The following ALK variants were observed in gnomAD, a reference collection of about 807,000 sequenced individuals.
The protein encoded by ALK is ALK tyrosine kinase receptor.
ALK carries 74 observed loss-of-function variants against 163.1 expected under a neutral mutation model. That is an observed-to-expected ratio of 0.45 (90% confidence interval 0.38 to 0.55). ALK has a LOEUF of 0.55. ALK is among the 20% of genes least tolerant of loss of function. The pLI is 0.00. For missense variants in ALK, 2,063 were observed against 2,105.3 expected (o/e 0.98, Z 0.39); for synonymous variants, 960 against 843.2 (o/e 1.14, Z -2.40).
intron 3 of ALK, among the ~76,000 whole-genome samples, chr2:29,538,506 AG>A (rs1673322913): frequency 6.6e-6 from 1 of 152,158 alleles, no homozygotes; most frequent in Admixed American, 6.5e-5. Context: ...GCCCTCACTC[AG>A]GAAACAGATG....
chr2:29,330,710 G>T (rs1364150341), intron 5 of ALK, among the ~76,000 whole-genome samples: 2 of 151,960 alleles, frequency 1.3e-5, no homozygotes, highest in Non-Finnish European at 2.9e-5. Context: ...GGGTTGGGGG[G>T]TATGGGCAAT....
chr2:29,226,840 C>A, intron 18 of ALK, 82 bp downstream of exon 18: 1 of 1,572,308 alleles, frequency 6.4e-7, no homozygotes, highest in South Asian at 1.1e-5. Context: ...CCAGGGTGTT[C>A]TGGAACCCAG....
At chr2:29,656,328 A>C (rs764216914) in intron 3 of ALK, among the ~76,000 whole-genome samples, 1 of 152,136 alleles carries the variant, frequency 6.6e-6, no homozygotes, top group Admixed American at 6.6e-5. Context: ...CTAATATTCT[A>C]TGAATAATTT....
At chr2:29,905,545 G>C (rs969296232) in intron 1 of ALK, among the ~76,000 whole-genome samples, 6 of 150,902 alleles carry the variant, frequency 4.0e-5, no homozygotes, top group Admixed American at 6.6e-5. Flanking sequence ...AAGAGAAGGA[G>C]GGAAAGGGAA....
intron 5 of ALK, among the ~76,000 whole-genome samples, chr2:29,361,600 C>T (rs1472254627): frequency 1.3e-5 from 2 of 152,190 alleles, no homozygotes; most frequent in Non-Finnish European, 2.9e-5. Flanking sequence ...TTGGGTAAGT[C>T]ACTTAATCTC....
intron 3 of ALK, among the ~76,000 whole-genome samples, chr2:29,592,169 C>G (rs532361946): frequency 3.9e-5 from 6 of 152,172 alleles, no homozygotes; most frequent in Admixed American, 3.9e-4. Context: ...TCAGCGGGTC[C>G]CAGAGCACCT....
At chr2:29,492,896 G>T (rs972797782) in intron 4 of ALK, among the ~76,000 whole-genome samples, 1 of 152,166 alleles carries the variant, frequency 6.6e-6, no homozygotes, top group Non-Finnish European at 1.5e-5. Flanking sequence ...GATGGTATGG[G>T]AGTATTTAGA....
At chr2:29,456,793 T>C (rs1408058687) in intron 4 of ALK, among the ~76,000 whole-genome samples, 1 of 152,208 alleles carries the variant, frequency 6.6e-6, no homozygotes, top group African/African-American at 2.4e-5. Flanking sequence ...TTAAATTAGA[T>C]GTCACATGTG....
intron 9 of ALK, 78 bp downstream of exon 9, chr2:29,296,810 G>A (rs1007391967): frequency 6.9e-6 from 11 of 1,593,400 alleles, no homozygotes; most frequent in African/African-American, 1.3e-5. Flanking sequence ...AAAAGGCACG[G>A]GGAAAGGGAA....
intron 4 of ALK, among the ~76,000 whole-genome samples, chr2:29,441,210 C>T (rs1399974225): frequency 6.6e-6 from 1 of 152,244 alleles, no homozygotes; most frequent in Non-Finnish European, 1.5e-5. Flanking sequence ...GCTTGGGCCC[C>T]TGTGAAGAGC....
intron 5 of ALK, among the ~76,000 whole-genome samples, chr2:29,376,185 T>C (rs924529765): frequency 6.6e-6 from 1 of 151,786 alleles, no homozygotes; most frequent in Non-Finnish European, 1.5e-5. Context: ...AAAACCAATA[T>C]ATACTCTTAG....
At chr2:29,435,281 C>G (rs946757357) in intron 4 of ALK, among the ~76,000 whole-genome samples, 8 of 152,114 alleles carry the variant, frequency 5.3e-5, no homozygotes, top group African/African-American at 1.9e-4. Context: ...ACCATGAACC[C>G]TCCTACTGGA....
intron 5 of ALK, among the ~76,000 whole-genome samples, chr2:29,337,854 G>A (rs1667668814): frequency 6.6e-6 from 1 of 152,182 alleles, no homozygotes; most frequent in East Asian, 1.9e-4. Context: ...TTGTGTTGAT[G>A]AGCTGCCTAA....
intron 5 of ALK, among the ~76,000 whole-genome samples, chr2:29,365,851 A>G (rs1404741763): frequency 2.0e-5 from 3 of 152,196 alleles, no homozygotes; most frequent in Non-Finnish European, 4.4e-5. Context: ...ACAGCTGGAC[A>G]ACTAGAGTCT....
chr2:29,284,950 G>C (rs1002045697), intron 9 of ALK, among the ~76,000 whole-genome samples: 16 of 152,212 alleles, frequency 1.1e-4, no homozygotes, highest in Non-Finnish European at 1.5e-5. Context: ...TCGATGGACA[G>C]TGAATATATT....
chr2:29,290,059 G>A (rs1665979202), intron 9 of ALK, among the ~76,000 whole-genome samples: 1 of 152,220 alleles, frequency 6.6e-6, no homozygotes, highest in Non-Finnish European at 1.5e-5. Context: ...GTAAATGTTG[G>A]TGGACATAAT....
chr2:29,447,192 C>T lies in ALK; in HGVS notation c.1155-63333G>A, dbSNP rs373285621. The stretch of plus-strand genomic sequence containing the variant: ...ATACCTGATGGAGGCACTCAAGACC[C>T]TCCACAATCTACCCCCAGCTGACCT... On this transcript the variant is annotated intron_variant, in intron 4 of 28. Transcript: ENST00000389048. 9.2e-5 allele frequency among the ~76,000 whole-genome samples: 14 copies of T among 152,242 alleles called. No homozygotes were observed. In the South Asian group the frequency reaches 1.2e-3, roughly 14 times the overall value.
At chr2:29,274,105 G>C (rs2148214289) in intron 11 of ALK, among the ~76,000 whole-genome samples, 1 of 152,332 alleles carries the variant, frequency 6.6e-6, no homozygotes, top group East Asian at 1.9e-4. Flanking sequence ...TCAGGAAGGG[G>C]TGACGGTTAG....
chr2:29,472,914 A>G (rs1214804566), intron 4 of ALK, among the ~76,000 whole-genome samples: 1 of 152,246 alleles, frequency 6.6e-6, no homozygotes, highest in African/African-American at 2.4e-5. Context: ...GACTCACTAT[A>G]GTTAGAATGT....
Sources: allele counts gnomAD v4.1 joint callset (sites outside exome capture counted in the v4.1 genomes callset), GRCh38; gene constraint gnomAD v4.1.1; transcripts MANE v1.5; gene names NCBI Gene and HGNC (gene_info 2026-07-23, HGNC 2026-07-21).